The following EMP2 variants were observed in gnomAD, a reference collection of about 807,000 sequenced individuals.
The protein encoded by EMP2 is epithelial membrane protein 2.
In EMP2, 19 loss-of-function variants were observed where a neutral mutation model predicts 13.7. The ratio of observed to expected loss-of-function variants is 1.38; its 90% CI spans 0.97 to 2.03. EMP2 has a LOEUF of 2.03. Among genes scored for constraint, EMP2 ranks in the 30% most tolerant of loss-of-function variants. EMP2 has a pLI of 0.00. For missense variants in EMP2, 253 were observed against 220.7 expected (o/e 1.15, Z -0.93); for synonymous variants, 97 against 84.7 (o/e 1.15, Z -0.80).
chr16:10,554,139 C>G (rs753024213), intron 1 of EMP2, among the ~76,000 whole-genome samples: 4 of 151,156 alleles, frequency 2.6e-5, no homozygotes, highest in Non-Finnish European at 5.9e-5. Flanking sequence ...TCAAGCGATT[C>G]TCCTGCCTCA....
intron 1 of EMP2, among the ~76,000 whole-genome samples, chr16:10,548,941 G>A (rs945157375): frequency 9.9e-5 from 15 of 152,116 alleles, no homozygotes; most frequent in African/African-American, 3.6e-4. Context: ...GCCATTTCCA[G>A]GCTGATGAAG....
chr16:10,536,588 C>G (rs2050649011), intron 4 of EMP2, among the ~76,000 whole-genome samples: 1 of 152,206 alleles, frequency 6.6e-6, no homozygotes, highest in Non-Finnish European at 1.5e-5. Context: ...CCATGTGGAA[C>G]TGTAAGTCCA....
chr16:10,548,656 T>C (rs1470416552), intron 1 of EMP2, among the ~76,000 whole-genome samples: 1 of 151,998 alleles, frequency 6.6e-6, no homozygotes, highest in Non-Finnish European at 1.5e-5. Context: ...ATCTCATCAC[T>C]GCACACTAGC....
At chr16:10,574,030 T>C (rs937406054) in intron 1 of EMP2, among the ~76,000 whole-genome samples, 1 of 141,196 alleles carries the variant, frequency 7.1e-6, no homozygotes, top group Non-Finnish European at 1.5e-5. Flanking sequence ...CCCCATCTCC[T>C]GGGTTCAAGC....
chr16:10,543,522 C>T (rs2050716834), intron 3 of EMP2, 48 bp downstream of exon 3: 1 of 1,599,640 alleles, frequency 6.3e-7, no homozygotes, highest in East Asian at 2.2e-5. Context: ...CCTGACCGTT[C>T]CTTCCTCCCT....
chr16:10,554,008 G>A (rs950461858), intron 1 of EMP2, among the ~76,000 whole-genome samples: 1 of 151,776 alleles, frequency 6.6e-6, no homozygotes, highest in African/African-American at 2.4e-5. Flanking sequence ...TCTTCAGACA[G>A]TATCAAAACC....
intron 3 of EMP2, among the ~76,000 whole-genome samples, chr16:10,540,421 G>A (rs1043297745): frequency 2.6e-5 from 4 of 151,998 alleles, no homozygotes; most frequent in Non-Finnish European, 4.4e-5. Flanking sequence ...CAGGAGGATG[G>A]CTTGAACCCA....
At chr16:10,552,214 G>A (rs2142188877) in intron 1 of EMP2, among the ~76,000 whole-genome samples, 1 of 151,616 alleles carries the variant, frequency 6.6e-6, no homozygotes, top group African/African-American at 2.4e-5. Flanking sequence ...ACATCAGCAG[G>A]AATGCCCAAA....
chr16:10,579,978 C>T (rs750137259), intron 1 of EMP2, among the ~76,000 whole-genome samples: 3 of 152,228 alleles, frequency 2.0e-5, no homozygotes, highest in African/African-American at 7.2e-5. Context: ...TTAAAGCCCC[C>T]CAAGCCCTTC....
chr16:10,579,087 A>G (rs1271343226), intron 1 of EMP2, among the ~76,000 whole-genome samples: 1 of 152,166 alleles, frequency 6.6e-6, no homozygotes, highest in Non-Finnish European at 1.5e-5. Context: ...GCAACAGGAG[A>G]GCGTGCTGGA....
chr16:10,536,424 G>A (rs901834940), intron 4 of EMP2, among the ~76,000 whole-genome samples: 1 of 152,118 alleles, frequency 6.6e-6, no homozygotes. Context: ...CATGGGGGCG[G>A]TTCCCCCATA....
intron 1 of EMP2, among the ~76,000 whole-genome samples, chr16:10,564,063 G>A (rs1161693026): frequency 1.3e-5 from 2 of 152,270 alleles, no homozygotes; most frequent in Admixed American, 6.5e-5. Flanking sequence ...TAGGCAGTAT[G>A]CCTGGAGGTA....
chr16:10,533,544 A>G (rs2050624964), intron 4 of EMP2, among the ~76,000 whole-genome samples: 1 of 152,190 alleles, frequency 6.6e-6, no homozygotes, highest in Non-Finnish European at 1.5e-5. Flanking sequence ...CGTACCCTGT[A>G]AAGGGCCAGA....
At chr16:10,569,771 G>T (rs552994911) in intron 1 of EMP2, among the ~76,000 whole-genome samples, 1 of 152,324 alleles carries the variant, frequency 6.6e-6, no homozygotes, top group South Asian at 2.1e-4. Context: ...ATGCCTGCGT[G>T]CATGCAGACC....
At chr16:10,533,177 G>A (rs2050621520) in intron 4 of EMP2, 85 bp from the exon 5 acceptor site, 6 of 1,193,806 alleles carry the variant, frequency 5.0e-6, no homozygotes, top group East Asian at 5.6e-5. Context: ...CAGAGTTGAA[G>A]ACAAACTTCA....
rs1367312378 is a variant in EMP2 at position 10,532,510 on chromosome 16, C to G, written c.*395G>C. 6.5e-6 allele frequency: 1 copy of G among 153,146 alleles called. No individual in the cohort carries two copies. The highest frequency in any genetic ancestry group is 2.4e-5 in the African/African-American group (1 of 41,472). The allele number at this position is 153,146 out of a possible 1,614,324, so 9.5% of individuals were successfully genotyped here. A position where few individuals can be genotyped will look rare whatever the true frequency, so the allele number is the denominator to read the frequency against. ...GAGATTCGGGAGGGGCTTGGGCCAG[C>G]TGAAACCCATAGGAAGCACGTCCCC... On this transcript the variant is annotated 3_prime_UTR_variant, in exon 5 of 5. Coordinates refer to ENST00000359543, the MANE Select transcript of EMP2 (RefSeq NM_001424.6).
chr16:10,565,658 G>A (rs542526170), intron 1 of EMP2, among the ~76,000 whole-genome samples: 1 of 152,286 alleles, frequency 6.6e-6, no homozygotes, highest in East Asian at 1.9e-4. Flanking sequence ...ACCAACCTGA[G>A]AGCTGGAAGG....
intron 4 of EMP2, 116 bp downstream of exon 4, chr16:10,537,812 G>C: frequency 7.2e-7 from 1 of 1,379,860 alleles, no homozygotes; most frequent in Non-Finnish European, 1.0e-6. Flanking sequence ...AGCACCGCGC[G>C]GCTGCCAATT....
intron 1 of EMP2, among the ~76,000 whole-genome samples, chr16:10,549,239 G>T (rs1209180035): frequency 6.6e-6 from 1 of 152,216 alleles, no homozygotes; most frequent in Non-Finnish European, 1.5e-5. Context: ...CAATTGCAAA[G>T]TGAAATTGGA....
Sources: gnomAD v4.1 joint callset for allele counts (sites outside exome capture counted in the v4.1 genomes callset) on GRCh38, gnomAD v4.1.1 for gene constraint, MANE v1.5 for transcripts, NCBI Gene and HGNC (gene_info 2026-07-23, HGNC 2026-07-21) for gene names.